The following ZFTA variants were observed in gnomAD, a reference collection of about 807,000 sequenced individuals.
ZFTA encodes zinc finger translocation-associated protein.
ZFTA carries 35 observed loss-of-function variants against 41.8 expected under a neutral mutation model. The observed-to-expected ratio is 0.84, with a 90% CI of 0.64 to 1.11. The LOEUF is 1.11. Ranked by LOEUF, ZFTA falls within the 50% of genes most tolerant of loss-of-function variation. The probability of loss-of-function intolerance (pLI) is 0.00; values close to 1 mark genes in which losing one functional copy is unlikely to be tolerated. For synonymous variants in ZFTA, 514 were observed against 436.4 expected (o/e 1.18, Z -2.22); for missense variants, 964 against 989.8 (o/e 0.97, Z 0.35).
In ZFTA at chr11:63,764,852, G is replaced by T; in HGVS notation, c.1024+16C>A. The stretch of plus-strand genomic sequence containing the variant: ...CCCCAGTATGAGGGGGTCTCAGCCT[G>T]GGATGGGCCTCGCACCTGGTGGGGA... On this transcript the variant is annotated intron_variant, in intron 3 of 4. Transcript: ENST00000433688. 1 of 1,461,724 alleles carries T rather than the reference G, an allele frequency of 6.8e-7. No homozygotes were observed. The highest frequency in any genetic ancestry group is 1.4e-5 in the South Asian group (1 of 72,100). 90.5% of individuals were successfully genotyped at this position (1,461,724 alleles called of 1,614,324 possible). A position where few individuals can be genotyped will look rare whatever the true frequency, so the allele number is the denominator to read the frequency against.
chr11:63,765,020 G>A lies in ZFTA; in HGVS notation c.872C>T (p.Ala291Val). 1 of 1,548,954 alleles carries A rather than the reference G, an allele frequency of 6.5e-7. No homozygotes were observed. The highest frequency in any genetic ancestry group is 1.2e-5 in the South Asian group (1 of 84,000). Residue 291 changes from alanine (A) to valine (V), a missense_variant, in exon 3 of 5, where the codon GCA becomes GTA. By Grantham distance (64) the Ala-to-Val change is moderately conservative (BLOSUM62 0). Coordinates refer to ENST00000433688, the MANE Select transcript of ZFTA (RefSeq NM_001144936.2). The surrounding 1 kb of genome is among the most constrained non-coding windows in gnomAD (Gnocchi z 4.0). ...GTCGTCCAGGTGCAGGCTGGGCAGTGCCCGGCCACAGGCCATGCACACCAG... is the reference window on the plus strand; with the variant it reads ...GTCGTCCAGGTGCAGGCTGGGCAGTACCCGGCCACAGGCCATGCACACCAG... ...NRLVCMACGR[A>V]LPSLHLDDIR...
chr11:63,767,507 T>C (rs2014764403), intron 1 of ZFTA: 1 of 152,320 alleles, frequency 6.6e-6, no homozygotes, highest in African/African-American at 2.4e-5. Context: ...CGACACTGGC[T>C]AGCTGGCTGG....
intron 4 of ZFTA, 71 bp downstream of exon 4, chr11:63,763,967 A>G (rs1384643614): frequency 2.4e-5 from 32 of 1,320,964 alleles, no homozygotes; most frequent in Non-Finnish European, 3.1e-5. Context: ...CTTCTATCCC[A>G]TCCTCCAGTC....
rs2014728118 is a variant in ZFTA at position 63,765,274 on chromosome 11, G to A, written c.638-20C>T. On this transcript the variant is annotated intron_variant, in intron 2 of 4. Coordinates refer to ENST00000433688, the MANE Select transcript of ZFTA (RefSeq NM_001144936.2). This position sits in a 1 kb window ranked among gnomAD's most constrained non-coding sequence, Gnocchi z 4.0. ...CTTTGCCTGAAAGGGTTGGAGGGAA[G>A]GAACTGAGACGCTGGCCCCACGGGA... 1 of 1,436,182 alleles carries A rather than the reference G, an allele frequency of 7.0e-7. No homozygotes were observed. Among genetic ancestry groups the A allele is most frequent in the Non-Finnish European group, 9.1e-7 (1 of 1,101,698 alleles). 89.0% of individuals were successfully genotyped at this position (1,436,182 alleles called of 1,614,324 possible).
intron 1 of ZFTA, among the ~76,000 whole-genome samples, chr11:63,768,128 G>A (rs979664688): frequency 4.6e-5 from 7 of 152,116 alleles, no homozygotes; most frequent in Non-Finnish European, 1.0e-4. Context: ...GCCCGATTAG[G>A]GAGACCACCT....
chr11:63,768,427 A>G (rs1198080296), intron 1 of ZFTA, 57 bp downstream of exon 1: 2 of 1,022,926 alleles, frequency 2.0e-6, no homozygotes, highest in Non-Finnish European at 1.2e-6. Context: ...CCCGAGCCGC[A>G]GCCCTCCCTT....
In ZFTA at chr11:63,762,211, A is replaced by C. The variant is rs571396402; in HGVS notation, c.*1207T>G. Reference sequence around the variant, plus strand: ...TCCTCCCTCCACCACCTCACAGCTTATCTCTGATACACGCATAATAAATAA... The same window carrying C: ...TCCTCCCTCCACCACCTCACAGCTTCTCTCTGATACACGCATAATAAATAA... On this transcript the variant is annotated 3_prime_UTR_variant, in exon 5 of 5. Coordinates refer to ENST00000433688, the MANE Select transcript of ZFTA (RefSeq NM_001144936.2). 1.3e-5 allele frequency: 2 copies of C among 152,278 alleles called. No individual in the cohort carries two copies. The highest frequency in any genetic ancestry group is 2.4e-5 in the African/African-American group (1 of 41,360). 9.4% of individuals were successfully genotyped at this position (152,278 alleles called of 1,614,324 possible).
Position 63,763,703 on chromosome 11 carries a change from C to G in ZFTA, c.1752G>C (p.Arg584=), listed in dbSNP as rs2959886. ...AGTCCATCAGGTACTCGCCCCGCCA[C>G]CGCGGCTGGTAGTTCCGCCGCTGCT... ...SREQRRNYQP[R]WRGEYLMDYD... Residue 584 remains arginine, a synonymous_variant, in exon 5 of 5, where the codon CGG becomes CGC. Coordinates refer to ENST00000433688, the MANE Select transcript of ZFTA (RefSeq NM_001144936.2). 0.15 allele frequency: 233,418 copies of G among 1,520,798 alleles called. 21,399 individuals are homozygous for G. Among genetic ancestry groups the G allele is most frequent in the African/African-American group, 0.42 (29,347 of 70,684 alleles). The allele number at this position is 1,520,798 out of a possible 1,614,324, so 94.2% of individuals were successfully genotyped here. A position where few individuals can be genotyped will look rare whatever the true frequency, so the allele number is the denominator to read the frequency against.
At chr11:63,767,756 T>C (rs2014768969) in intron 1 of ZFTA, among the ~76,000 whole-genome samples, 1 of 152,024 alleles carries the variant, frequency 6.6e-6, no homozygotes, top group South Asian at 2.1e-4. Context: ...AACAGTCTCC[T>C]TTGAGAGCGA....
Position 63,761,456 on chromosome 11 carries a change from G to T in ZFTA, c.*1962C>A, listed in dbSNP as rs2014634971. ...GTGTGCAGGGCTTTGCCACCTTCAG[G>T]AGTCACAGATCCACCGTGGTGGCCT... On this transcript the variant is annotated 3_prime_UTR_variant, in exon 5 of 5. Transcript: ENST00000433688. 6.6e-6 allele frequency: 1 copy of T among 152,200 alleles called. No homozygotes were observed. Among genetic ancestry groups the T allele is most frequent in the Admixed American group, 6.5e-5 (1 of 15,272 alleles). The allele number at this position is 152,200 out of a possible 1,614,324, so 9.4% of individuals were successfully genotyped here.
chr11:63,764,457 T>A lies in ZFTA; in HGVS notation c.1166A>T (p.Glu389Val), dbSNP rs2014711258. 4.0e-6 allele frequency: 5 copies of A among 1,264,552 alleles called. No individual in the cohort carries two copies. The highest frequency in any genetic ancestry group is 3.3e-5 in the South Asian group (1 of 30,486). 78.3% of individuals were successfully genotyped at this position (1,264,552 alleles called of 1,614,324 possible). Residue 389 changes from glutamate (E) to valine (V), a missense_variant, in exon 4 of 5, where the codon GAG (glutamate) becomes GTG (valine). This residue lies in a region of ZFTA where 584 missense variants were observed against 523.1 expected (regional missense o/e 1.12). Coordinates refer to ENST00000433688, the MANE Select transcript of ZFTA (RefSeq NM_001144936.2). ...GWVPERPGPA[E>V]EEEELEEGEG... Reference sequence around the variant, plus strand: ...GCCCTCCTCCAGCTCCTCCTCCTCCTCTGCGGGCCCGGGCCTCTCAGGGAC... The same window carrying A: ...GCCCTCCTCCAGCTCCTCCTCCTCCACTGCGGGCCCGGGCCTCTCAGGGAC...
In ZFTA at chr11:63,765,058, C is replaced by G. The variant is rs1012525502; in HGVS notation, c.834G>C (p.Pro278=). 1.6e-5 allele frequency: 25 copies of G among 1,548,720 alleles called. No homozygotes were observed. The highest frequency in any genetic ancestry group is 1.2e-4 in the Admixed American group (6 of 50,920). Residue 278 remains proline, a synonymous_variant, in exon 3 of 5, where the codon CCG becomes CCC. Coordinates refer to ENST00000433688, the MANE Select transcript of ZFTA (RefSeq NM_001144936.2). This position sits in a 1 kb window ranked among gnomAD's most constrained non-coding sequence, Gnocchi z 4.0. The part of the protein sequence containing the change: ...FRAECLMDYD[P]RGNRLVCMAC... Reference sequence around the variant, plus strand: ...CCATGCACACCAGCCGGTTCCCCCGCGGGTCATAGTCCATGAGACACTCGG... The same window carrying G: ...CCATGCACACCAGCCGGTTCCCCCGGGGGTCATAGTCCATGAGACACTCGG...
Position 63,763,780 on chromosome 11 carries a change from C to A in ZFTA, c.1675G>T (p.Ala559Ser). Residue 559 changes from alanine (A) to serine (S), a missense_variant, in exon 5 of 5, where the codon GCC becomes TCC. Around this residue, in one of 5 missense-constraint regions of ZFTA, gnomAD observed 584 missense variants for 523.1 expected, o/e 1.12. Coordinates refer to ENST00000433688, the MANE Select transcript of ZFTA (RefSeq NM_001144936.2). ...GGGGGAGGAGGCGGCGGCGGCAAGG[C>A]GAGTCCCCCAGGCTCCTGGCCGTCC... ...EEDGQEPGGL[A>S]LPPPPPPPPP... The A allele has an allele frequency of 2.1e-6, 3 of 1,460,012 alleles. No homozygotes were observed. The highest frequency in any genetic ancestry group is 2.7e-5 in the Admixed American group (1 of 37,522). 90.4% of individuals were successfully genotyped at this position (1,460,012 alleles called of 1,614,324 possible). A position where few individuals can be genotyped will look rare whatever the true frequency, so the allele number is the denominator to read the frequency against.
chr11:63,768,123 A>G (rs953212225), intron 1 of ZFTA, among the ~76,000 whole-genome samples: 5 of 152,042 alleles, frequency 3.3e-5, no homozygotes, highest in Admixed American at 1.3e-4. Context: ...AGAAAGCCCG[A>G]TTAGGGAGAC....
chr11:63,763,599 C>A lies in ZFTA; in HGVS notation c.1856G>T (p.Arg619Leu). Residue 619 changes from arginine (R) to leucine (L), a missense_variant, in exon 5 of 5, where the codon CGC becomes CTC. Coordinates refer to ENST00000433688, the MANE Select transcript of ZFTA (RefSeq NM_001144936.2). Reference protein sequence around the residue: ...LATLKVSTIKRHILQVHPFSM... With the variant: ...LATLKVSTIKLHILQVHPFSM... The stretch of plus-strand genomic sequence containing the variant: ...GAAGGGGTGCACCTGCAGGATGTGG[C>A]GCTTGATGGTGCTCACCTTGAGCGT... 6.5e-7 allele frequency: 1 copy of A among 1,548,906 alleles called. No individual in the cohort carries two copies. The highest frequency in any genetic ancestry group is 8.7e-7 in the Non-Finnish European group (1 of 1,145,550).
chr11:63,763,903 CG>C, intron 4 of ZFTA, 34 bp from the exon 5 acceptor site: 6 of 1,405,332 alleles, frequency 4.3e-6, no homozygotes, highest in African/African-American at 1.5e-5. Context: ...TTGGCGACGG[CG>C]GGGGGCAGCG....
In ZFTA at chr11:63,766,240, G is replaced by A. The variant is rs1342703487; in HGVS notation, c.204C>T (p.Ser68=). 37 of 1,529,890 alleles carry A rather than the reference G, an allele frequency of 2.4e-5. No individual in the cohort carries two copies. The highest frequency in any genetic ancestry group is 3.0e-5 in the Non-Finnish European group (34 of 1,139,354). 94.8% of individuals were successfully genotyped at this position (1,529,890 alleles called of 1,614,324 possible). The change falls in exon 2 of 5, where the codon TCC becomes TCT. Residue 68 remains serine (S), a synonymous_variant. Transcript: ENST00000433688. ...CTGAAGATGCTGGTCCCCTGGCCCTGGAGGAGGGCAGGGGGGCACTCCCCC... is the reference window on the plus strand; with the variant it reads ...CTGAAGATGCTGGTCCCCTGGCCCTAGAGGAGGGCAGGGGGGCACTCCCCC... ...GSWGSAPLPS[S]RARGPASSGR...
In ZFTA at chr11:63,763,686, A is replaced by G; in HGVS notation, c.1769T>C (p.Leu590Pro). The G allele has an allele frequency of 6.5e-7, 1 of 1,535,128 alleles. No individual in the cohort carries two copies. The highest frequency in any genetic ancestry group is 2.0e-5 in the Admixed American group (1 of 50,002). The change falls in exon 5 of 5, where the codon CTG becomes CCG. Residue 590 changes from leucine to proline, a missense_variant. Leu to Pro is a moderately conservative substitution (Grantham distance 98). Coordinates refer to ENST00000433688, the MANE Select transcript of ZFTA (RefSeq NM_001144936.2). ...NYQPRWRGEYLMDYDGSRRGL... is the reference protein window; with the variant it reads ...NYQPRWRGEYPMDYDGSRRGL... ...GCGCCGGCTGCCGTCGTAGTCCATC[A>G]GGTACTCGCCCCGCCACCGCGGCTG...
At chr11:63,767,487 TTGTC>T (rs1457830225) in intron 1 of ZFTA, 2 of 152,356 alleles carry the variant, frequency 1.3e-5, no homozygotes, top group Non-Finnish European at 2.9e-5. Flanking sequence ...CTGAGCTTCT[TTGTC>T]TGCAACGACA....
Sources: allele counts gnomAD v4.1 joint callset (sites outside exome capture counted in the v4.1 genomes callset), GRCh38; gene constraint gnomAD v4.1.1; regional missense constraint gnomAD v4.1.1; non-coding constraint Gnocchi (gnomAD v3.1); transcripts MANE v1.5; gene names NCBI Gene and HGNC (gene_info 2026-07-23, HGNC 2026-07-21).